The following WDFY4 variants were observed in gnomAD, a reference collection of about 807,000 sequenced individuals.
WDFY4 encodes the protein WDFY family member 4.
A neutral mutation model predicts 351.9 loss-of-function variants in WDFY4; 169 were observed. That is an observed-to-expected ratio of 0.48 (90% CI 0.42 to 0.55). The LOEUF is 0.55. Among genes scored for constraint, WDFY4 ranks in the 20% least tolerant of loss-of-function variants. The pLI is 0.00. For synonymous variants in WDFY4, 1,622 were observed against 1,574.6 expected (o/e 1.03, Z -0.71); for missense variants, 3,803 against 3,935.6 (o/e 0.97, Z 0.90).
chr10:48,894,699 A>C (rs1836985430), intron 44 of WDFY4, among the ~76,000 whole-genome samples: 1 of 152,216 alleles, frequency 6.6e-6, no homozygotes. Flanking sequence ...CAGGGGAGAG[A>C]GAACAGCCAG....
chr10:48,811,315 T>G (rs1280126343), intron 29 of WDFY4, among the ~76,000 whole-genome samples: 1 of 152,216 alleles, frequency 6.6e-6, no homozygotes, highest in Admixed American at 6.5e-5. Context: ...TCCTACATGG[T>G]GGGCAGCAAG....
In WDFY4 at chr10:48,817,491, C is replaced by T. The variant is rs977625374; in HGVS notation, c.5505+82C>T. 12 of 1,413,336 alleles carry T rather than the reference C, an allele frequency of 8.5e-6. No homozygotes were observed. The African/African-American group carries it at 1.7e-4, about 20-fold the overall frequency. The allele number at this position is 1,413,336 out of a possible 1,614,324, so 87.5% of individuals were successfully genotyped here. On this transcript the variant is annotated intron_variant, in intron 32 of 61. Transcript: ENST00000325239. ...AAGGGCAAAGGGCAAAATCCCTCCC[C>T]TCCCCCCTAAAATTAAAATACATTT...
intron 19 of WDFY4, among the ~76,000 whole-genome samples, chr10:48,784,302 G>C (rs561945891): frequency 1.3e-5 from 2 of 152,062 alleles, no homozygotes; most frequent in Admixed American, 6.6e-5. Flanking sequence ...TGACATTTCC[G>C]CTAACAATGG....
intron 55 of WDFY4, 58 bp from the exon 56 acceptor site, chr10:48,969,006 C>T: frequency 6.6e-7 from 1 of 1,520,662 alleles, no homozygotes; most frequent in South Asian, 1.2e-5. Flanking sequence ...CCTGGGGGCC[C>T]AGCTGTAGTG....
At chr10:48,814,122 G>A in intron 31 of WDFY4, 40 bp downstream of exon 31, 1 of 1,486,990 alleles carries the variant, frequency 6.7e-7, no homozygotes, top group Non-Finnish European at 9.0e-7. Flanking sequence ...AGGAGGTTCT[G>A]ATGGGAAGGC....
At chr10:48,750,117 C>T (rs571056712) in intron 12 of WDFY4, among the ~76,000 whole-genome samples, 5 of 152,358 alleles carry the variant, frequency 3.3e-5, no homozygotes, top group African/African-American at 9.6e-5. Context: ...CCTAATCTTT[C>T]CTGTTGAAAC....
intron 12 of WDFY4, among the ~76,000 whole-genome samples, chr10:48,755,429 T>G (rs1210349290): frequency 2.6e-5 from 4 of 152,206 alleles, no homozygotes; most frequent in African/African-American, 4.8e-5. Context: ...TTATGTCATA[T>G]CTAAGATCTC....
Position 48,900,287 on chromosome 10 carries a change from C to T in WDFY4, c.7504C>T (p.Arg2502Trp), listed in dbSNP as rs1006647050. ...GTTTCTTGTCTTCTACAACAATGAT[C>T]GGAGTAAGGCCTTTAAAAGGTAAGA... ...SKFLVFYNND[R>W]SKAFKSFCSF... Residue 2502 changes from arginine (R) to tryptophan (W), a missense_variant, in exon 46 of 62, where the codon CGG (arginine) becomes TGG (tryptophan). Arg to Trp is a moderately radical substitution (Grantham distance 101). This residue lies in a region of WDFY4 where 3,054 missense variants were observed against 3,148.6 expected (regional missense o/e 0.97). Transcript: ENST00000325239. The T allele has an allele frequency of 2.0e-5, 31 of 1,551,356 alleles. 1 individual carries two copies. The highest frequency in any genetic ancestry group is 1.7e-4 in the Middle Eastern group (1 of 6,014).
chr10:48,807,258 T>A (rs1338326446), intron 27 of WDFY4, among the ~76,000 whole-genome samples: 1 of 152,226 alleles, frequency 6.6e-6, no homozygotes, highest in African/African-American at 2.4e-5. Context: ...TAGTCAACCT[T>A]CCTTCTCATA....
intron 47 of WDFY4, among the ~76,000 whole-genome samples, chr10:48,924,297 C>A (rs1032303809): frequency 6.6e-6 from 1 of 152,218 alleles, no homozygotes; most frequent in Admixed American, 6.5e-5. Context: ...TCCATCCTGA[C>A]CCCCTAAGCT....
At chr10:48,797,581 C>T (rs541668752) in intron 24 of WDFY4, among the ~76,000 whole-genome samples, 11 of 148,492 alleles carry the variant, frequency 7.4e-5, no homozygotes, top group Non-Finnish European at 1.3e-4. Context: ...ATACCAAAAA[C>T]ATTTAAACAT....
rs768812493 is a variant in WDFY4, at chr10:48,692,245, A to G, written c.-18+7244A>G. Among the ~76,000 whole-genome samples the G allele has an allele frequency of 2.6e-5, 4 of 152,354 alleles. No individual in the cohort carries two copies. In the East Asian group the frequency reaches 7.7e-4, roughly 29 times the overall value. On this transcript the variant is annotated intron_variant, in intron 1 of 61. Coordinates refer to ENST00000325239, the MANE Select transcript of WDFY4 (RefSeq NM_001394531.1). ...GCCCAGGGCACTGCCCTGCTGTCAGATCACAGATTCTTGTATTTCCTTTTA... is the reference window on the plus strand; with the variant it reads ...GCCCAGGGCACTGCCCTGCTGTCAGGTCACAGATTCTTGTATTTCCTTTTA...
Position 48,828,806 on chromosome 10 carries a change from A to G in WDFY4, c.6250A>G (p.Lys2084Glu). The G allele has an allele frequency of 6.5e-7, 1 of 1,549,660 alleles. No individual in the cohort carries two copies. The highest frequency in any genetic ancestry group is 8.7e-7 in the Non-Finnish European group (1 of 1,146,234). Residue 2084 changes from lysine (K) to glutamate (E), a missense_variant, in exon 37 of 62, where the codon AAG (lysine) becomes GAG (glutamate). This residue lies in a region of WDFY4 where 3,054 missense variants were observed against 3,148.6 expected (regional missense o/e 0.97). Coordinates refer to ENST00000325239, the MANE Select transcript of WDFY4 (RefSeq NM_001394531.1). ...SYPEGFGLEP[K>E]PRMSTYHQVF... ...CCCAGAAGGATTTGGATTGGAGCCC[A>G]AGCCTAGAATGTCTACTTATCATCA...
chr10:48,888,293 CCT>C (rs1564451537), intron 43 of WDFY4, among the ~76,000 whole-genome samples: 1 of 146,672 alleles, frequency 6.8e-6, no homozygotes, highest in Non-Finnish European at 1.5e-5. Context: ...CCCCTCCCTC[CCT>C]CTTTCCTTCC....
intron 1 of WDFY4, among the ~76,000 whole-genome samples, chr10:48,690,669 G>A (rs1416378010): frequency 1.3e-5 from 2 of 152,094 alleles, no homozygotes; most frequent in African/African-American, 4.8e-5. Flanking sequence ...AGGAGGCCCT[G>A]GAGAAGGTAG....
intron 35 of WDFY4, among the ~76,000 whole-genome samples, chr10:48,826,361 G>T (rs114701423): frequency 5.5e-4 from 84 of 152,250 alleles, no homozygotes; most frequent in Middle Eastern, 3.4e-3. Flanking sequence ...ACACTGTTTG[G>T]TAACTGTAGT....
At chr10:48,705,808 G>A (rs1161576564) in intron 1 of WDFY4, among the ~76,000 whole-genome samples, 1 of 152,232 alleles carries the variant, frequency 6.6e-6, no homozygotes, top group Non-Finnish European at 1.5e-5. Context: ...TGGATCTCCA[G>A]CTAAGTCCCC....
At chr10:48,784,530 CTTTTTTTTTTTTTTTTTTTT>C (rs71465479) in intron 19 of WDFY4, among the ~76,000 whole-genome samples, 2 of 26,874 alleles carry the variant, frequency 7.4e-5, no homozygotes, top group South Asian at 2.2e-3. Context: ...GCATTGTTTG[CTTTTTTTTTTTTTTTTTTTT>C]TTTTTTTTTT....
intron 43 of WDFY4, among the ~76,000 whole-genome samples, chr10:48,885,013 T>C (rs1430975131): frequency 6.7e-6 from 1 of 149,636 alleles, no homozygotes; most frequent in African/African-American, 2.6e-5. Flanking sequence ...GTTAAATAAA[T>C]GAATGAACAA....
Sources: allele counts gnomAD v4.1 joint callset (sites outside exome capture counted in the v4.1 genomes callset), GRCh38; gene constraint gnomAD v4.1.1; regional missense constraint gnomAD v4.1.1; transcripts MANE v1.5; gene names NCBI Gene and HGNC (gene_info 2026-07-23, HGNC 2026-07-21).